WDR49: variants seen among roughly 807,000 people sequenced by gnomAD.
The protein encoded by WDR49 is WD repeat domain 49, also known as cilia- and flagella-associated protein 337.
In WDR49, 107 loss-of-function variants were observed where a neutral mutation model predicts 119.5. That is an observed-to-expected ratio of 0.90 (90% CI 0.77 to 1.05). The LOEUF is 1.05. WDR49 is among the 50% of genes least tolerant of loss of function. WDR49 has a pLI of 0.00. For missense variants in WDR49, 1,240 were observed against 1,220.5 expected, an observed-to-expected ratio of 1.02 and a Z score of -0.24; for synonymous variants, 425 against 418.8, an observed-to-expected ratio of 1.01 and a Z score of -0.18.
chr3:167,517,155 A>C (rs118109189), intron 16 of WDR49, among the ~76,000 whole-genome samples: 3 of 152,150 alleles, frequency 2.0e-5, no homozygotes, highest in African/African-American at 7.2e-5. Context: ...TCTTGACAGA[A>C]TTAGAAAAAA....
intron 3 of WDR49, among the ~76,000 whole-genome samples, chr3:167,625,953 A>G (rs1471492310): frequency 6.6e-6 from 1 of 151,944 alleles, no homozygotes; most frequent in Admixed American, 6.6e-5. Flanking sequence ...GGAACAAAGA[A>G]AAGCATGTAT....
intron 18 of WDR49, among the ~76,000 whole-genome samples, chr3:167,494,065 C>T (rs1751252178): frequency 6.6e-6 from 1 of 152,110 alleles, no homozygotes; most frequent in Admixed American, 6.6e-5. Context: ...TCCTTATCTT[C>T]AAAATCATAA....
chr3:167,500,220 C>T lies in WDR49; in HGVS notation c.2964G>A (p.Glu988=), dbSNP rs1325628846. Residue 988 remains glutamate, a synonymous_variant, in exon 18 of 19, where the codon GAG becomes GAA. Transcript: ENST00000682715. ...VNKPAFLLDP[E]KYFRKEPEEE... ...CCTCTGGTTCTTTCCTAAAGTATTT[C>T]TCAGGGTCTAGAAGGAAAGCAGGTT... is the stretch of plus-strand genomic sequence containing the variant. 6.3e-7 allele frequency: 1 copy of T among 1,599,670 alleles called. No homozygotes were observed. The highest frequency in any genetic ancestry group is 1.4e-5 in the African/African-American group (1 of 73,696).
chr3:167,496,110 T>C (rs575121281), intron 18 of WDR49, among the ~76,000 whole-genome samples: 1 of 152,038 alleles, frequency 6.6e-6, no homozygotes, highest in South Asian at 2.1e-4. Context: ...TAAGAAGGAA[T>C]AAAGAGCACA....
At chr3:167,612,819 G>T (rs1166303147) in intron 5 of WDR49, among the ~76,000 whole-genome samples, 1 of 152,074 alleles carries the variant, frequency 6.6e-6, no homozygotes, top group Non-Finnish European at 1.5e-5. Flanking sequence ...AACATTGCAT[G>T]TTCTCACTTA....
chr3:167,563,148 C>T (rs1044352028), intron 8 of WDR49, among the ~76,000 whole-genome samples: 3 of 152,096 alleles, frequency 2.0e-5, no homozygotes, highest in African/African-American at 7.2e-5. Flanking sequence ...GGGCAGATCA[C>T]GAAGTCAGGA....
chr3:167,527,040 A>G (rs1041273263), intron 15 of WDR49, among the ~76,000 whole-genome samples: 1 of 152,152 alleles, frequency 6.6e-6, no homozygotes, highest in Admixed American at 6.6e-5. Context: ...AGAAAATATG[A>G]GACTAAATAT....
intron 8 of WDR49, chr3:167,566,915 G>A: frequency 1.5e-6 from 1 of 662,450 alleles, no homozygotes; most frequent in Non-Finnish European, 2.8e-6. Flanking sequence ...GGAAAAGAAA[G>A]GGTTGGACTT....
chr3:167,589,171 C>T (rs989253328), intron 7 of WDR49, among the ~76,000 whole-genome samples: 1 of 152,098 alleles, frequency 6.6e-6, no homozygotes, highest in African/African-American at 2.4e-5. Flanking sequence ...TCAATTTACC[C>T]AGCACCATTT....
chr3:167,622,990 A>G (rs1315765953), intron 3 of WDR49, among the ~76,000 whole-genome samples: 2 of 152,092 alleles, frequency 1.3e-5, no homozygotes, highest in African/African-American at 2.4e-5. Flanking sequence ...CAAAGAAGAA[A>G]CAGACAGAAA....
intron 5 of WDR49, among the ~76,000 whole-genome samples, chr3:167,614,553 A>G (rs999060955): frequency 1.3e-5 from 2 of 152,226 alleles, no homozygotes; most frequent in Admixed American, 6.5e-5. Context: ...CTTTACAAGC[A>G]TTTCAGAATG....
At chr3:167,490,413 T>C (rs2108198195) in intron 18 of WDR49, among the ~76,000 whole-genome samples, 1 of 152,294 alleles carries the variant, frequency 6.6e-6, no homozygotes, top group South Asian at 2.1e-4. Flanking sequence ...CTGTTCATTC[T>C]GGATGTTTAG....
intron 16 of WDR49, among the ~76,000 whole-genome samples, chr3:167,512,127 G>T (rs554140570): frequency 7.2e-5 from 11 of 152,254 alleles, no homozygotes; most frequent in Non-Finnish European, 1.6e-4. Flanking sequence ...CGTTAAGAGG[G>T]TCCCTGATTC....
intron 2 of WDR49, among the ~76,000 whole-genome samples, chr3:167,646,499 G>T (rs541461519): frequency 6.6e-6 from 1 of 152,128 alleles, no homozygotes; most frequent in Non-Finnish European, 1.5e-5. Flanking sequence ...CATGAGAAAG[G>T]GTTCGAAGCA....
At chr3:167,515,194 A>G (rs758001201) in intron 16 of WDR49, among the ~76,000 whole-genome samples, 3 of 151,984 alleles carry the variant, frequency 2.0e-5, no homozygotes, top group Non-Finnish European at 4.4e-5. Flanking sequence ...CGAAAAAAGA[A>G]CTTCAGCCAA....
chr3:167,553,676 T>C (rs1712716098), intron 10 of WDR49, among the ~76,000 whole-genome samples: 1 of 152,108 alleles, frequency 6.6e-6, no homozygotes, highest in Non-Finnish European at 1.5e-5. Flanking sequence ...GGAGTGGTTG[T>C]GGGTTGATAA....
chr3:167,616,020 T>C (rs1716579743), intron 5 of WDR49, among the ~76,000 whole-genome samples: 1 of 152,218 alleles, frequency 6.6e-6, no homozygotes, highest in African/African-American at 2.4e-5. Context: ...TTTAAAAATC[T>C]TCTTAGTCGG....
intron 4 of WDR49, among the ~76,000 whole-genome samples, chr3:167,620,984 C>G (rs1016315233): frequency 1.3e-5 from 2 of 151,924 alleles, no homozygotes; most frequent in African/African-American, 4.8e-5. Context: ...ATAATTGTAT[C>G]CAATATCTAG....
intron 5 of WDR49, among the ~76,000 whole-genome samples, chr3:167,614,875 T>A (rs1192683818): frequency 6.6e-6 from 1 of 152,242 alleles, no homozygotes; most frequent in East Asian, 1.9e-4. Flanking sequence ...ATCACGTTAC[T>A]GGGGTAAAGA....
Sources: gnomAD v4.1 joint callset for allele counts (sites outside exome capture counted in the v4.1 genomes callset) on GRCh38, gnomAD v4.1.1 for gene constraint, MANE v1.5 for transcripts, NCBI Gene and HGNC (gene_info 2026-07-23, HGNC 2026-07-21) for gene names.